Variants in DYM observed in about 807,000 individuals in gnomAD.
DYM encodes the protein dyggve-Melchior-Clausen syndrome protein.
DYM carries 78 observed loss-of-function variants against 93.1 expected under a neutral mutation model. That is an observed-to-expected ratio of 0.84 (90% confidence interval 0.70 to 1.01). The LOEUF is 1.01. Among genes scored for constraint, DYM ranks in the 50% least tolerant of loss-of-function variants. The probability of loss-of-function intolerance (pLI) is 0.00; values close to 1 mark genes in which losing one functional copy is unlikely to be tolerated. For synonymous variants in DYM, 321 were observed against 319.7 expected, an observed-to-expected ratio of 1.00 and a Z score of -0.04; for missense variants, 789 against 845.0, an observed-to-expected ratio of 0.93 and a Z score of 0.82.
intron 2 of DYM, among the ~76,000 whole-genome samples, chr18:49,422,765 G>C (rs143544501): frequency 0.091 from 13,887 of 152,200 alleles, 852 homozygotes; most frequent in East Asian, 0.31. Context: ...TGATAAAACA[G>C]ACTTTAAACT....
At chr18:49,378,037 C>G (rs1599773755) in intron 5 of DYM, among the ~76,000 whole-genome samples, 1 of 152,178 alleles carries the variant, frequency 6.6e-6, no homozygotes, top group South Asian at 2.1e-4. Context: ...TAATCTTTCC[C>G]TGTATCTTCA....
At chr18:49,241,487 A>G (rs2094008432) in intron 13 of DYM, among the ~76,000 whole-genome samples, 1 of 152,220 alleles carries the variant, frequency 6.6e-6, no homozygotes, top group African/African-American at 2.4e-5. Context: ...CTGACTAGCA[A>G]TATGAGTGAT....
intron 13 of DYM, among the ~76,000 whole-genome samples, chr18:49,218,446 A>G (rs1233755314): frequency 2.0e-5 from 3 of 152,240 alleles, no homozygotes; most frequent in Non-Finnish European, 4.4e-5. Flanking sequence ...AATCAACAGA[A>G]TATACATTTT....
chr18:49,406,343 T>C (rs1240825967), intron 2 of DYM, among the ~76,000 whole-genome samples: 1 of 149,806 alleles, frequency 6.7e-6, no homozygotes, highest in Non-Finnish European at 1.5e-5. Flanking sequence ...GCAGATCACC[T>C]GAGGCAGGAT....
chr18:49,080,710 T>G (rs1396941995), intron 17 of DYM, among the ~76,000 whole-genome samples: 20 of 109,792 alleles, frequency 1.8e-4, no homozygotes, highest in South Asian at 7.2e-4. Context: ...CCAGACGGGG[T>G]GGCTGCCGGG....
chr18:49,158,181 T>C (rs1400877695), intron 15 of DYM, among the ~76,000 whole-genome samples: 1 of 152,180 alleles, frequency 6.6e-6, no homozygotes, highest in African/African-American at 2.4e-5. Context: ...CCTAAAAGTT[T>C]TTCTCTCTCA....
rs1196736386 is a variant in DYM at position 49,333,757 on chromosome 18, G to C, written c.591C>G (p.Ile197Met). ...LFHKEVLRQS[I>M]SHKYLMRGPC... ...GACCTCGCATCAAATACTTGTGGCT[G>C]ATGCTCTGTCGCAAAACTTCTTTGT... The change falls in exon 7 of 18, where the codon ATC (isoleucine) becomes ATG (methionine). Residue 197 changes from isoleucine (I) to methionine (M), a missense_variant. Transcript: ENST00000675505. 6.2e-7 allele frequency: 1 copy of C among 1,614,016 alleles called. No homozygotes were observed. The highest frequency in any genetic ancestry group is 1.3e-5 in the African/African-American group (1 of 75,052).
At chr18:49,400,368 TC>T (rs1012393139) in intron 2 of DYM, among the ~76,000 whole-genome samples, 1 of 152,116 alleles carries the variant, frequency 6.6e-6, no homozygotes, top group Non-Finnish European at 1.5e-5. Context: ...TGTGACTATG[TC>T]CCCCAGGCCT....
At chr18:49,357,108 T>C (rs1049286921) in intron 6 of DYM, among the ~76,000 whole-genome samples, 5 of 152,176 alleles carry the variant, frequency 3.3e-5, no homozygotes, top group African/African-American at 1.2e-4. Context: ...ACCTAAGAAG[T>C]CCCTATCCAG....
intron 17 of DYM, among the ~76,000 whole-genome samples, chr18:49,087,645 T>G (rs996467731): frequency 1.1e-4 from 16 of 152,344 alleles, no homozygotes; most frequent in Admixed American, 3.9e-4. Flanking sequence ...GTAATGGGAT[T>G]GCTGGGTCAA....
intron 8 of DYM, among the ~76,000 whole-genome samples, chr18:49,295,767 T>C (rs2146054860): frequency 6.6e-6 from 1 of 152,246 alleles, no homozygotes; most frequent in African/African-American, 2.4e-5. Context: ...TTAAAAAAAT[T>C]CTTGGCTCAT....
intron 11 of DYM, among the ~76,000 whole-genome samples, chr18:49,263,739 A>T (rs2094526846): frequency 6.6e-6 from 1 of 152,138 alleles, no homozygotes; most frequent in Non-Finnish European, 1.5e-5. Context: ...AAAAAAGAAA[A>T]AAAAAGTAGT....
At chr18:49,068,231 G>C (rs2076624545) in intron 17 of DYM, among the ~76,000 whole-genome samples, 1 of 152,192 alleles carries the variant, frequency 6.6e-6, no homozygotes, top group Non-Finnish European at 1.5e-5. Flanking sequence ...GGAAGTCCAG[G>C]ATAGGAGCCT....
At chr18:49,086,112 T>C (rs1044672173) in intron 17 of DYM, among the ~76,000 whole-genome samples, 1 of 152,222 alleles carries the variant, frequency 6.6e-6, no homozygotes, top group Admixed American at 6.5e-5. Flanking sequence ...CCTGCAGTCA[T>C]TGGAAATCAT....
At chr18:49,159,254 C>T (rs2086811587) in intron 15 of DYM, among the ~76,000 whole-genome samples, 1 of 152,018 alleles carries the variant, frequency 6.6e-6, no homozygotes, top group Non-Finnish European at 1.5e-5. Flanking sequence ...GAGTAAACAC[C>T]ACACAGAATC....
At chr18:49,369,001 A>G (rs1354809208) in intron 5 of DYM, among the ~76,000 whole-genome samples, 1 of 152,268 alleles carries the variant, frequency 6.6e-6, no homozygotes, top group Non-Finnish European at 1.5e-5. Context: ...CGTGAGGCCA[A>G]TGCTGACTGA....
At chr18:49,069,517 T>C (rs2076720007) in intron 17 of DYM, among the ~76,000 whole-genome samples, 2 of 152,236 alleles carry the variant, frequency 1.3e-5, no homozygotes, top group South Asian at 4.1e-4. Flanking sequence ...ATGAGTAGCA[T>C]GTAAAAGTTC....
At chr18:49,353,940 T>C (rs539252909) in intron 6 of DYM, among the ~76,000 whole-genome samples, 82 of 152,054 alleles carry the variant, frequency 5.4e-4, no homozygotes, top group Non-Finnish European at 7.1e-4. Context: ...GTTCTAAAGT[T>C]ATACAGAAAA....
chr18:49,204,296 CTT>C (rs1258232650), intron 14 of DYM, among the ~76,000 whole-genome samples: 1 of 152,170 alleles, frequency 6.6e-6, no homozygotes, highest in Non-Finnish European at 1.5e-5. Flanking sequence ...TTCTGATGCT[CTT>C]TTCAGCTTTC....
Sources: gnomAD v4.1 joint callset for allele counts (sites outside exome capture counted in the v4.1 genomes callset) on GRCh38, gnomAD v4.1.1 for gene constraint, MANE v1.5 for transcripts, NCBI Gene and HGNC (gene_info 2026-07-23, HGNC 2026-07-21) for gene names.